Variants in GOLGA3 observed in about 807,000 individuals in gnomAD.
GOLGA3 encodes the protein golgin subfamily A member 3.
Under a neutral mutation model 169.4 loss-of-function variants are expected in GOLGA3, and 75 were observed. The ratio of observed to expected loss-of-function variants is 0.44; its 90% CI spans 0.37 to 0.54. GOLGA3 has a LOEUF of 0.54. GOLGA3 is among the 20% of genes least tolerant of loss of function. The pLI, the probability that GOLGA3 is intolerant of heterozygous loss-of-function variation, is 0.00. For synonymous variants in GOLGA3, 824 were observed against 822.4 expected (o/e 1.00, Z -0.03); for missense variants, 1,899 against 1,930.0 (o/e 0.98, Z 0.30).
At chr12:132,808,759 T>C (rs1431802933) in intron 4 of GOLGA3, among the ~76,000 whole-genome samples, 1 of 152,162 alleles carries the variant, frequency 6.6e-6, no homozygotes, top group Admixed American at 6.5e-5. Flanking sequence ...GTGACCAGCA[T>C]GACCACCTCT....
At chr12:132,798,107 G>A (rs1385919998) in intron 9 of GOLGA3, among the ~76,000 whole-genome samples, 2 of 146,362 alleles carry the variant, frequency 1.4e-5, no homozygotes, top group Admixed American at 6.8e-5. Context: ...GGGGTGGGGG[G>A]GGTCCCAAAG....
At chr12:132,819,810 T>A (rs570179090) in intron 2 of GOLGA3, among the ~76,000 whole-genome samples, 37 of 152,084 alleles carry the variant, frequency 2.4e-4, no homozygotes, top group Non-Finnish European at 3.7e-4. Context: ...GAGGCCGAGG[T>A]GGAAGGATAA....
chr12:132,786,427 T>A lies in GOLGA3; in HGVS notation c.3035A>T (p.Glu1012Val). Residue 1012 changes from glutamate to valine, a missense_variant, in exon 15 of 24, where the codon GAG becomes GTG. Coordinates refer to ENST00000450791, the MANE Select transcript of GOLGA3 (RefSeq NM_001389683.1). ...CGCAGCCTCCTTGGCCGCGAGGGCC[T>A]CCTGCAGGCGGCGGCTGAGGATGCC... ...AVGILSRRLQ[E>V]ALAAKEAADA... The A allele has an allele frequency of 6.2e-7, 1 of 1,613,408 alleles. No individual in the cohort carries two copies. Among genetic ancestry groups the A allele is most frequent in the South Asian group, 1.1e-5 (1 of 91,042 alleles).
rs1316432390 is a variant in GOLGA3, at chr12:132,791,205, C to T, written c.2547+11G>A. ...TTGTTTCAAGTGAAGAAATCAACAA[C>T]AGATTTTTACCTTTTGTTGGAGAAA... On this transcript the variant is annotated intron_variant, in intron 12 of 23. Transcript: ENST00000450791. The T allele has an allele frequency of 6.6e-7, 1 of 1,525,822 alleles. No individual in the cohort carries two copies. Among genetic ancestry groups the T allele is most frequent in the East Asian group, 2.3e-5 (1 of 44,318 alleles). The allele number at this position is 1,525,822 out of a possible 1,614,324, so 94.5% of individuals were successfully genotyped here.
chr12:132,825,911 C>T (rs914665120), intron 1 of GOLGA3: 18 of 965,362 alleles, frequency 1.9e-5, no homozygotes, highest in South Asian at 1.2e-4. Flanking sequence ...CATTCGAGGG[C>T]GGATCCTCTC....
Position 132,798,480 on chromosome 12 carries a change from T to TA in GOLGA3, c.1801-4dup, listed in dbSNP as rs112384794. On this transcript the variant is annotated splice_region_variant and splice_polypyrimidine_tract_variant and intron_variant, in intron 8 of 23. Coordinates refer to ENST00000450791, the MANE Select transcript of GOLGA3 (RefSeq NM_001389683.1). ...CCTGCCTGGGTCATCTGTCCAACCT[T>TA]AAAAAAAAAACCCACAAAGTAAAAA... 19,873 of 1,173,522 alleles carry TA rather than the reference T, an allele frequency of 0.017. 5 individuals are homozygous for TA. Among genetic ancestry groups the TA allele is most frequent in the South Asian group, 0.021 (1,254 of 59,772 alleles). 72.7% of individuals were successfully genotyped at this position (1,173,522 alleles called of 1,614,324 possible).
At chr12:132,780,421 AAG>A (rs1377713363) in intron 18 of GOLGA3, among the ~76,000 whole-genome samples, 3 of 148,680 alleles carry the variant, frequency 2.0e-5, no homozygotes, top group African/African-American at 7.8e-5. Flanking sequence ...CAGCCACGAA[AAG>A]ACAGCTCTCT....
At chr12:132,803,840 G>C (rs1949250679) in intron 7 of GOLGA3, among the ~76,000 whole-genome samples, 1 of 152,138 alleles carries the variant, frequency 6.6e-6, no homozygotes, top group South Asian at 2.1e-4. Context: ...CCCAAGACCT[G>C]AGAGATGAGC....
chr12:132,802,208 C>T (rs1949159985), intron 7 of GOLGA3, among the ~76,000 whole-genome samples: 1 of 152,278 alleles, frequency 6.6e-6, no homozygotes. Context: ...CTCACAGCAC[C>T]TTCACCAGCT....
rs1015766892 is a variant in GOLGA3, at chr12:132,808,432, G to A, written c.637C>T (p.Leu213=). ...GGCCCCCGAGGGACACTGGTGCGCA[G>A]GAAGGAATATTCTTTTGTCATAGCC... is the stretch of plus-strand genomic sequence containing the variant. ...TLAMTKEYSF[L]RTSVPRGPKV... Residue 213 remains leucine, a synonymous_variant, in exon 5 of 24, where the codon CTG becomes TTG. Transcript: ENST00000450791. 2.5e-6 allele frequency: 4 copies of A among 1,614,118 alleles called. No homozygotes were observed. The highest frequency in any genetic ancestry group is 2.5e-6 in the Non-Finnish European group (3 of 1,180,006).
In GOLGA3 at chr12:132,808,422, C is replaced by T. The variant is rs767648052; in HGVS notation, c.647G>A (p.Ser216Asn). The T allele has an allele frequency of 1.2e-6, 2 of 1,614,172 alleles. No individual in the cohort carries two copies. Among genetic ancestry groups the T allele is most frequent in the Admixed American group, 1.7e-5 (1 of 60,026 alleles). The part of the protein sequence containing the change: ...MTKEYSFLRT[S>N]VPRGPKVGSL... ...GCCCACCTTAGGCCCCCGAGGGACACTGGTGCGCAGGAAGGAATATTCTTT... is the reference window on the plus strand; with the variant it reads ...GCCCACCTTAGGCCCCCGAGGGACATTGGTGCGCAGGAAGGAATATTCTTT... Residue 216 changes from serine (S) to asparagine (N), a missense_variant, in exon 5 of 24, where the codon AGT becomes AAT. Physicochemically the swap from Ser to Asn is conservative, Grantham distance 46. Coordinates refer to ENST00000450791, the MANE Select transcript of GOLGA3 (RefSeq NM_001389683.1).
At chr12:132,791,782 G>C (rs1412950720) in intron 11 of GOLGA3, among the ~76,000 whole-genome samples, 1 of 132,274 alleles carries the variant, frequency 7.6e-6, no homozygotes, top group Non-Finnish European at 1.6e-5. Flanking sequence ...TTACACTGAG[G>C]GCTCCAGAAG....
intron 1 of GOLGA3, chr12:132,825,855 A>T: frequency 1.0e-6 from 1 of 990,448 alleles, no homozygotes; most frequent in Non-Finnish European, 1.6e-6. Flanking sequence ...GAGGCTACTG[A>T]GGGCACCTAC....
chr12:132,784,366 T>G, intron 15 of GOLGA3, 59 bp from the exon 16 acceptor site: 1 of 1,464,574 alleles, frequency 6.8e-7, no homozygotes, highest in Admixed American at 1.8e-5. Flanking sequence ...CCCCCTCACT[T>G]CCTGTGGTGC....
chr12:132,812,694 G>T (rs939096950), intron 4 of GOLGA3, among the ~76,000 whole-genome samples: 8 of 152,184 alleles, frequency 5.3e-5, no homozygotes, highest in Non-Finnish European at 1.0e-4. Flanking sequence ...CTGAATTGCT[G>T]CAATCTCAGG....
intron 15 of GOLGA3, 95 bp downstream of exon 15, chr12:132,786,244 C>A: frequency 1.2e-6 from 1 of 860,428 alleles, no homozygotes; most frequent in Non-Finnish European, 1.8e-6. Context: ...GCGAGCTCGG[C>A]CCCGCTAGGC....
chr12:132,824,640 T>G (rs1950339156), intron 1 of GOLGA3, among the ~76,000 whole-genome samples: 1 of 152,188 alleles, frequency 6.6e-6, no homozygotes, highest in Non-Finnish European at 1.5e-5. Flanking sequence ...CCAAGGCTGG[T>G]CAAAAGCTAA....
chr12:132,792,700 A>C, intron 11 of GOLGA3, among the ~76,000 whole-genome samples: 1 of 142,160 alleles, frequency 7.0e-6, no homozygotes, highest in Admixed American at 7.0e-5. Flanking sequence ...CGGGATCTGC[A>C]CTCGGAGGGC....
rs746693102 is a variant in GOLGA3, at chr12:132,782,414, T to C, written c.3347A>G (p.His1116Arg). ...GAGGCCCGTAAGCTTCCCTTTCTCG[T>C]GCTCTAATTCAAGAGCCAACTTCTT... is the stretch of plus-strand genomic sequence containing the variant. ...SNKKLALELE[H>R]EKGKLTGLGQ... The change falls in exon 17 of 24, where the codon CAC becomes CGC. Residue 1116 changes from histidine (H) to arginine (R), a missense_variant. Transcript: ENST00000450791. The C allele has an allele frequency of 6.2e-7, 1 of 1,614,114 alleles. No homozygotes were observed. Among genetic ancestry groups the C allele is most frequent in the Admixed American group, 1.7e-5 (1 of 60,028 alleles).
Sources: gnomAD v4.1 joint callset for allele counts (sites outside exome capture counted in the v4.1 genomes callset) on GRCh38, gnomAD v4.1.1 for gene constraint, MANE v1.5 for transcripts, NCBI Gene and HGNC (gene_info 2026-07-23, HGNC 2026-07-21) for gene names.